SDCCAG8: variants seen among roughly 807,000 people sequenced by gnomAD.
The protein encoded by SDCCAG8 is serologically defined colon cancer antigen 8.
A neutral mutation model predicts 101.8 loss-of-function variants in SDCCAG8; 74 were observed. The observed-to-expected ratio is 0.73, with a 90% CI of 0.60 to 0.88. The LOEUF (loss-of-function observed/expected upper bound fraction) is 0.88. SDCCAG8 is among the 40% of genes least tolerant of loss of function. The probability of loss-of-function intolerance (pLI) is 0.00; values close to 1 mark genes in which losing one functional copy is unlikely to be tolerated. For missense variants in SDCCAG8, 787 were observed against 822.6 expected (o/e 0.96, Z 0.53); for synonymous variants, 281 against 292.9 (o/e 0.96, Z 0.41).
intron 13 of SDCCAG8, among the ~76,000 whole-genome samples, chr1:243,380,769 C>A (rs944519071): frequency 6.6e-6 from 1 of 151,560 alleles, no homozygotes. Context: ...TTTCTAAGTG[C>A]GGTACTCTTT....
Position 243,274,529 on chromosome 1 carries a change from AT to A in SDCCAG8, c.307-8del. On this transcript the variant is annotated splice_polypyrimidine_tract_variant and intron_variant, in intron 3 of 17. Transcript: ENST00000366541. Reference sequence around the variant, plus strand: ...TATGTATTTATGTATTTATTTATTTATTTTTTGTCATAGAGGTCATTAGAAC... The same window carrying A: ...TATGTATTTATGTATTTATTTATTTATTTTTGTCATAGAGGTCATTAGAAC... The A allele has an allele frequency of 7.3e-7, 1 of 1,379,096 alleles. No homozygotes were observed. Among genetic ancestry groups the A allele is most frequent in the Non-Finnish European group, 1.0e-6 (1 of 971,482 alleles). The allele number at this position is 1,379,096 out of a possible 1,614,324, so 85.4% of individuals were successfully genotyped here.
chr1:243,427,403 T>C (rs1040297379), intron 16 of SDCCAG8, among the ~76,000 whole-genome samples: 1 of 152,184 alleles, frequency 6.6e-6, no homozygotes, highest in Admixed American at 6.5e-5. Flanking sequence ...TTCTGTGTGA[T>C]AATGGATTCC....
chr1:243,330,147 T>C (rs940623289), intron 9 of SDCCAG8, among the ~76,000 whole-genome samples: 23 of 152,190 alleles, frequency 1.5e-4, no homozygotes, highest in African/African-American at 5.5e-4. Flanking sequence ...TTTTTATCCA[T>C]GAGCAAATAA....
chr1:243,388,950 C>T (rs1167667837), intron 13 of SDCCAG8, among the ~76,000 whole-genome samples: 7 of 144,324 alleles, frequency 4.9e-5, no homozygotes, highest in Admixed American at 4.2e-4. Flanking sequence ...CGTGGTGGTG[C>T]GTGCCTGAGT....
chr1:243,352,863 A>AT (rs1296719319), intron 12 of SDCCAG8, among the ~76,000 whole-genome samples: 1 of 152,018 alleles, frequency 6.6e-6, no homozygotes, highest in Non-Finnish European at 1.5e-5. Context: ...TATCTTAAGC[A>AT]TTTTTTCTGT....
intron 16 of SDCCAG8, among the ~76,000 whole-genome samples, chr1:243,443,543 C>G (rs892952924): frequency 6.6e-6 from 1 of 152,192 alleles, no homozygotes; most frequent in Non-Finnish European, 1.5e-5. Context: ...GGTAACCTCG[C>G]AAGGCAGCTA....
chr1:243,316,751 A>T lies in SDCCAG8; in HGVS notation c.930-4A>T, dbSNP rs774972770. 20 of 1,614,140 alleles carry T rather than the reference A, an allele frequency of 1.2e-5. No individual in the cohort carries two copies. The highest frequency in any genetic ancestry group is 1.7e-5 in the Non-Finnish European group (20 of 1,180,004). ...TGTTTTGAATGTTCTTTTTGTGCTG[A>T]CAGAGAAAGAGATGACTTGATGTCT... On this transcript the variant is annotated splice_region_variant and splice_polypyrimidine_tract_variant and intron_variant, in intron 8 of 17. Coordinates refer to ENST00000366541, the MANE Select transcript of SDCCAG8 (RefSeq NM_006642.5).
chr1:243,413,912 C>T (rs927739495), intron 13 of SDCCAG8, among the ~76,000 whole-genome samples: 1 of 152,118 alleles, frequency 6.6e-6, no homozygotes, highest in African/African-American at 2.4e-5. Context: ...TGCCTCCTCT[C>T]GTAAGACTTA....
chr1:243,408,790 C>G (rs1159269412), intron 13 of SDCCAG8, among the ~76,000 whole-genome samples: 1 of 152,096 alleles, frequency 6.6e-6, no homozygotes, highest in Non-Finnish European at 1.5e-5. Flanking sequence ...CTAAGAGAAC[C>G]TACTTTATAT....
chr1:243,308,707 T>C (rs970558452), intron 8 of SDCCAG8, among the ~76,000 whole-genome samples: 7 of 152,216 alleles, frequency 4.6e-5, no homozygotes, highest in Non-Finnish European at 8.8e-5. Flanking sequence ...GATGACCTTT[T>C]GTGTTGTCCA....
chr1:243,338,449 G>A (rs543212964), intron 10 of SDCCAG8, among the ~76,000 whole-genome samples: 1 of 143,202 alleles, frequency 7.0e-6, no homozygotes, highest in Non-Finnish European at 1.5e-5. Flanking sequence ...TTCCATTTGT[G>A]TGGGAAGCTG....
Position 243,316,775 on chromosome 1 carries a change from C to T in SDCCAG8, c.950C>T (p.Ser317Phe), listed in dbSNP as rs368258515. The change falls in exon 9 of 18, where the codon TCT becomes TTT. Residue 317 changes from serine (S) to phenylalanine (F), a missense_variant. Ser to Phe is a radical substitution (Grantham distance 155). Transcript: ENST00000366541. ...GACAGAGAAAGAGATGACTTGATGT[C>T]TGCACTAGTTTCCGTAAGGAGCAGC... ...RLVKERDDLM[S>F]ALVSVRSSLA... 2.8e-5 allele frequency: 46 copies of T among 1,614,062 alleles called. No homozygotes were observed. Among genetic ancestry groups the T allele is most frequent in the Non-Finnish European group, 3.7e-5 (44 of 1,180,040 alleles).
intron 4 of SDCCAG8, among the ~76,000 whole-genome samples, chr1:243,285,832 A>G (rs906512872): frequency 6.6e-6 from 1 of 152,230 alleles, no homozygotes; most frequent in Non-Finnish European, 1.5e-5. Context: ...TTCATAGATA[A>G]TCATCACTCC....
intron 7 of SDCCAG8, among the ~76,000 whole-genome samples, chr1:243,306,970 G>T (rs1224579753): frequency 6.6e-6 from 1 of 152,010 alleles, no homozygotes; most frequent in Non-Finnish European, 1.5e-5. Context: ...TGAGCGTGGA[G>T]ACTTTGACAA....
intron 13 of SDCCAG8, among the ~76,000 whole-genome samples, chr1:243,410,168 G>GGTAT (rs556826034): frequency 3.9e-4 from 59 of 152,274 alleles, no homozygotes; most frequent in African/African-American, 1.4e-3. Flanking sequence ...ATTCAGTGAT[G>GGTAT]TCACTTTGGT....
intron 16 of SDCCAG8, among the ~76,000 whole-genome samples, chr1:243,453,601 C>G (rs1057114106): frequency 9.9e-5 from 15 of 152,114 alleles, no homozygotes. Context: ...GTAAGAAAAT[C>G]CTGTTAAGAA....
intron 16 of SDCCAG8, among the ~76,000 whole-genome samples, chr1:243,444,369 G>A (rs1426263898): frequency 6.6e-6 from 1 of 150,722 alleles, no homozygotes; most frequent in Non-Finnish European, 1.5e-5. Flanking sequence ...TTGTTTGTTT[G>A]TTTGTTTTGT....
chr1:243,262,760 A>T (rs2067289856), intron 1 of SDCCAG8, among the ~76,000 whole-genome samples: 8 of 152,192 alleles, frequency 5.3e-5, no homozygotes, highest in Admixed American at 5.2e-4. Flanking sequence ...TTGTGCTAAG[A>T]TTTTCACCAT....
chr1:243,469,756 G>A (rs1660838808), intron 16 of SDCCAG8, among the ~76,000 whole-genome samples: 1 of 151,724 alleles, frequency 6.6e-6, no homozygotes, highest in Non-Finnish European at 1.5e-5. Flanking sequence ...CTGGAACCTA[G>A]CGTATTGTAA....
Sources: allele counts gnomAD v4.1 joint callset (sites outside exome capture counted in the v4.1 genomes callset), GRCh38; gene constraint gnomAD v4.1.1; transcripts MANE v1.5; gene names NCBI Gene and HGNC (gene_info 2026-07-23, HGNC 2026-07-21).